The following GRID2 variants were observed in gnomAD, a reference collection of about 807,000 sequenced individuals.
GRID2 encodes glutamate ionotropic receptor delta type subunit 2.
A neutral mutation model predicts 114.8 loss-of-function variants in GRID2; 33 were observed. That is an observed-to-expected ratio of 0.29 (90% CI 0.22 to 0.38). GRID2 has a LOEUF of 0.38. Among genes scored for constraint, GRID2 ranks in the 10% least tolerant of loss-of-function variants. The pLI is 1.00. For synonymous variants in GRID2, 505 were observed against 449.9 expected, an observed-to-expected ratio of 1.12 and a Z score of -1.55; for missense variants, 1,184 against 1,257.7, an observed-to-expected ratio of 0.94 and a Z score of 0.89.
At chr4:93,558,153 C>T (rs762165204) in intron 13 of GRID2, among the ~76,000 whole-genome samples, 31 of 151,996 alleles carry the variant, frequency 2.0e-4, no homozygotes, top group Admixed American at 1.4e-3. Context: ...CTAAAATCGA[C>T]GCCCTAACAA....
chr4:93,212,400 T>C (rs1743638032), intron 5 of GRID2, among the ~76,000 whole-genome samples: 1 of 152,180 alleles, frequency 6.6e-6, no homozygotes, highest in Non-Finnish European at 1.5e-5. Context: ...CTAGCTCATA[T>C]GGTGTAATCA....
chr4:92,902,211 GT>G (rs1747631967), intron 2 of GRID2, among the ~76,000 whole-genome samples: 1 of 151,984 alleles, frequency 6.6e-6, no homozygotes, highest in South Asian at 2.1e-4. Context: ...TTTCCTCTAA[GT>G]TTTTTAGTTT....
chr4:93,798,159 GA>G (rs944495055), intron 1 of GRID2, among the ~76,000 whole-genome samples: 1 of 151,360 alleles, frequency 6.6e-6, no homozygotes, highest in African/African-American at 2.4e-5. Context: ...TTCTCAAGAA[GA>G]AAAAAAATAA....
chr4:93,056,015 G>A (rs1261762382), intron 2 of GRID2, among the ~76,000 whole-genome samples: 1 of 151,746 alleles, frequency 6.6e-6, no homozygotes, highest in Non-Finnish European at 1.5e-5. Flanking sequence ...CTGCCTTAAT[G>A]ATGCCATCAT....
chr4:93,808,386 C>G (rs539231218), exon 2 of GRID2: 56 of 152,244 alleles, frequency 3.7e-4, no homozygotes, highest in African/African-American at 1.3e-3. Flanking sequence ...TTGTGAGAAT[C>G]AAGTGAAAAG....
chr4:93,736,589 G>A (rs1039722178), intron 14 of GRID2, among the ~76,000 whole-genome samples: 1 of 151,996 alleles, frequency 6.6e-6, no homozygotes, highest in Non-Finnish European at 1.5e-5. Context: ...GCTCTTTTAA[G>A]TTGTATTGGT....
intron 14 of GRID2, 65 bp from the exon 15 acceptor site, chr4:93,769,145 A>G (rs1733914869): frequency 6.6e-7 from 1 of 1,521,868 alleles, no homozygotes; most frequent in Non-Finnish European, 9.1e-7. Context: ...TTATAAATGG[A>G]TGTGTTGTGA....
chr4:92,363,345 T>G (rs1338569303), intron 1 of GRID2, among the ~76,000 whole-genome samples: 2 of 152,196 alleles, frequency 1.3e-5, no homozygotes, highest in East Asian at 3.9e-4. Context: ...ATTTTTCAGC[T>G]ATGAGGTGTG....
chr4:93,403,437 AAAG>A (rs1279488706), intron 9 of GRID2, among the ~76,000 whole-genome samples: 1 of 152,136 alleles, frequency 6.6e-6, no homozygotes, highest in Non-Finnish European at 1.5e-5. Context: ...CACTAACAAA[AAAG>A]TTTACATTCT....
At chr4:93,076,610 CTTT>C (rs56357327) in intron 2 of GRID2, among the ~76,000 whole-genome samples, 4,049 of 96,906 alleles carry the variant, frequency 0.042, 114 homozygotes, top group East Asian at 0.14. Context: ...TCACCAACCT[CTTT>C]TTTTTTTTTT....
At chr4:93,181,747 T>G (rs930539081) in intron 4 of GRID2, among the ~76,000 whole-genome samples, 1 of 152,144 alleles carries the variant, frequency 6.6e-6, no homozygotes, top group Non-Finnish European at 1.5e-5. Flanking sequence ...GCAGCTTCCT[T>G]ACCTCTCCAA....
chr4:92,812,058 G>T (rs1224889972), intron 2 of GRID2, among the ~76,000 whole-genome samples: 2 of 152,066 alleles, frequency 1.3e-5, no homozygotes, highest in Non-Finnish European at 2.9e-5. Context: ...AATAACATGT[G>T]CCAAAAAGGC....
intron 1 of GRID2, among the ~76,000 whole-genome samples, chr4:92,448,754 A>T (rs1400552128): frequency 1.3e-5 from 2 of 152,160 alleles, no homozygotes; most frequent in African/African-American, 2.4e-5. Flanking sequence ...GGTAAAAATT[A>T]TGTAAGATAT....
At chr4:93,417,356 T>C (rs1767822874) in intron 9 of GRID2, among the ~76,000 whole-genome samples, 1 of 152,150 alleles carries the variant, frequency 6.6e-6, no homozygotes, top group Non-Finnish European at 1.5e-5. Flanking sequence ...GCAGACACTT[T>C]AATATGGCTT....
chr4:93,588,928 G>T (rs943815830), intron 13 of GRID2, among the ~76,000 whole-genome samples: 8 of 151,976 alleles, frequency 5.3e-5, no homozygotes, highest in African/African-American at 1.7e-4. Context: ...AGTTCAATGG[G>T]GCATGAACTC....
chr4:92,889,043 C>T (rs950141358), intron 2 of GRID2, among the ~76,000 whole-genome samples: 2 of 152,002 alleles, frequency 1.3e-5, no homozygotes, highest in African/African-American at 4.8e-5. Context: ...AATGCTAATG[C>T]AGTGCAAACC....
intron 7 of GRID2, among the ~76,000 whole-genome samples, chr4:93,227,621 C>T (rs760512312): frequency 4.6e-5 from 7 of 152,126 alleles, no homozygotes; most frequent in African/African-American, 9.7e-5. Flanking sequence ...ATCTTTAAGT[C>T]GTTTATTTTT....
chr4:93,061,103 A>AAAATAAATAAATAAAT (rs58943728), intron 2 of GRID2, among the ~76,000 whole-genome samples: 2 of 143,874 alleles, frequency 1.4e-5, no homozygotes, highest in African/African-American at 5.3e-5. Context: ...ACTCCATCTC[A>AAAATAAATAAATAAAT]AAATAAATAA....
At chr4:93,535,190 T>C (rs1431239652) in intron 13 of GRID2, among the ~76,000 whole-genome samples, 4 of 151,170 alleles carry the variant, frequency 2.6e-5, no homozygotes, top group Non-Finnish European at 5.9e-5. Flanking sequence ...TTCTTCTTTT[T>C]AGTAGTTAAA....
Sources: allele counts gnomAD v4.1 joint callset (sites outside exome capture counted in the v4.1 genomes callset), GRCh38; gene constraint gnomAD v4.1.1; transcripts MANE v1.5; gene names NCBI Gene and HGNC (gene_info 2026-07-23, HGNC 2026-07-21).